The following CHODL variants were observed in gnomAD, a reference collection of about 807,000 sequenced individuals.
CHODL encodes chondrolectin, also known as transmembrane protein MT75.
In CHODL, 29 loss-of-function variants were observed where a neutral mutation model predicts 34.5. The observed-to-expected ratio is 0.84, with a 90% CI of 0.63 to 1.15. CHODL has a LOEUF of 1.15. CHODL is among the 50% of genes most tolerant of loss of function. The probability of loss-of-function intolerance (pLI) is 0.00; values close to 1 mark genes in which losing one functional copy is unlikely to be tolerated. For synonymous variants in CHODL, 125 were observed against 116.1 expected, an observed-to-expected ratio of 1.08 and a Z score of -0.49; for missense variants, 332 against 332.5, an observed-to-expected ratio of 1.00 and a Z score of 0.01.
intron 1 of CHODL, among the ~76,000 whole-genome samples, chr21:17,931,505 G>A (rs1329968143): frequency 6.6e-6 from 1 of 152,192 alleles, no homozygotes; most frequent in Non-Finnish European, 1.5e-5. Flanking sequence ...GCAGTGTTGA[G>A]ACATCCCCAA....
At chr21:18,161,753 C>T (rs78576965) in intron 2 of CHODL, among the ~76,000 whole-genome samples, 15,800 of 152,126 alleles carry the variant, frequency 0.1, 910 homozygotes, top group Middle Eastern at 0.15. Context: ...GCACAGGCTG[C>T]GAGTATTTCT....
At chr21:18,024,138 C>CA (rs951066893) in intron 1 of CHODL, among the ~76,000 whole-genome samples, 1 of 151,968 alleles carries the variant, frequency 6.6e-6, no homozygotes, top group Admixed American at 6.6e-5. Context: ...GCTGCAAGGA[C>CA]AAAAAAATGC....
intron 2 of CHODL, among the ~76,000 whole-genome samples, chr21:18,171,660 C>A (rs934502492): frequency 6.6e-6 from 1 of 151,612 alleles, no homozygotes; most frequent in Admixed American, 6.6e-5. Flanking sequence ...TCTTACAATT[C>A]TTTGGTGGAA....
At position 18,221,735 on chromosome 21, in the gene CHODL, A is replaced by T. The variant is rs77657959; in HGVS notation, c.-44-34774A>T. Reference sequence around the variant, plus strand: ...TTGCTGTCAATGGGTGTGCCAAATGAGCTGGTCCTCAGGACCCTAGATGGC... The same window carrying T: ...TTGCTGTCAATGGGTGTGCCAAATGTGCTGGTCCTCAGGACCCTAGATGGC... On this transcript the variant is annotated intron_variant, in intron 2 of 6. Coordinates refer to the CHODL transcript ENST00000400127. Among the ~76,000 whole-genome samples, 93 of 152,318 alleles carry T rather than the reference A, an allele frequency of 6.1e-4. 1 individual carries two copies. The East Asian group carries it at 0.012, about 20-fold the overall frequency.
intron 1 of CHODL, among the ~76,000 whole-genome samples, chr21:17,993,537 G>A (rs772154045): frequency 1.6e-4 from 25 of 152,160 alleles, no homozygotes; most frequent in Admixed American, 6.5e-4. Flanking sequence ...TTCCTGCAAA[G>A]GACATGATCT....
chr21:18,161,228 A>C (rs1047886762), intron 2 of CHODL, among the ~76,000 whole-genome samples: 2 of 152,212 alleles, frequency 1.3e-5, no homozygotes, highest in African/African-American at 4.8e-5. Context: ...GTAAAGGCAT[A>C]AAACACATAC....
chr21:18,136,815 T>A (rs1033559371), intron 2 of CHODL, among the ~76,000 whole-genome samples: 3 of 148,962 alleles, frequency 2.0e-5, no homozygotes, highest in African/African-American at 7.3e-5. Flanking sequence ...TATCCATATA[T>A]ATATAAATAT....
rs2074329450 is a variant in CHODL, at chr21:18,257,272, G to A, written c.547+145G>A. On this transcript the variant is annotated intron_variant, in intron 3 of 5. Coordinates refer to ENST00000299295, the MANE Select transcript of CHODL (RefSeq NM_024944.3). The stretch of plus-strand genomic sequence containing the variant: ...CCTTGCAGTTTCTCATATCACTCGT[G>A]TAATGAAGCATATCATATGCTGTAG... 3 of 702,724 alleles carry A rather than the reference G, an allele frequency of 4.3e-6. No individual in the cohort carries two copies. The Admixed American group carries it at 9.0e-5, about 21-fold the overall frequency. The allele number at this position is 702,724 out of a possible 1,614,324, so 43.5% of individuals were successfully genotyped here.
chr21:17,940,710 G>T (rs1279119861), intron 1 of CHODL, among the ~76,000 whole-genome samples: 1 of 152,182 alleles, frequency 6.6e-6, no homozygotes, highest in African/African-American at 2.4e-5. Flanking sequence ...GCGTAGCATG[G>T]TGTTGTTACC....
chr21:18,191,455 G>A (rs1383261723), intron 2 of CHODL, among the ~76,000 whole-genome samples: 1 of 152,180 alleles, frequency 6.6e-6, no homozygotes, highest in Non-Finnish European at 1.5e-5. Context: ...ACCTCAAGTA[G>A]CAAGAATCTT....
chr21:17,983,900 CA>C (rs912401580), intron 1 of CHODL, among the ~76,000 whole-genome samples: 1 of 114,698 alleles, frequency 8.7e-6, no homozygotes, highest in Non-Finnish European at 1.8e-5. Flanking sequence ...TTCCTGTGTG[CA>C]AGTGTGTGTG....
rs1242079879 is a variant in CHODL, at chr21:18,159,973, GA to G, written c.-44-96532del. Among the ~76,000 whole-genome samples, 14 of 152,246 alleles carry G rather than the reference GA, an allele frequency of 9.2e-5. 1 individual carries two copies. The highest frequency in any genetic ancestry group is 9.2e-4 in the Admixed American group (14 of 15,290). ...TTTGCTAACACTTTGCTTTTAACCT[GA>G]AAAGATCCTCATCAGAATGTAGATC... On this transcript the variant is annotated intron_variant, in intron 2 of 6. Coordinates refer to the CHODL transcript ENST00000400127.
At chr21:18,070,027 C>CCTAA (rs1380432271) in intron 2 of CHODL, among the ~76,000 whole-genome samples, 1 of 68,716 alleles carries the variant, frequency 1.5e-5, no homozygotes, top group Admixed American at 1.5e-4. Flanking sequence ...CCCTTCCCTC[C>CCTAA]CCCCCCCCAC....
chr21:18,149,346 G>A (rs2072936661), intron 2 of CHODL, among the ~76,000 whole-genome samples: 1 of 152,170 alleles, frequency 6.6e-6, no homozygotes, highest in African/African-American at 2.4e-5. Context: ...GCGACTGACT[G>A]TCCTTGAGAA....
chr21:18,043,990 C>T (rs2064409608), intron 2 of CHODL, among the ~76,000 whole-genome samples: 1 of 151,880 alleles, frequency 6.6e-6, no homozygotes, highest in African/African-American at 2.4e-5. Context: ...CAGTTATCTC[C>T]CCGCCACAAC....
chr21:18,057,008 G>A (rs912220681), intron 2 of CHODL, among the ~76,000 whole-genome samples: 2 of 152,080 alleles, frequency 1.3e-5, no homozygotes, highest in African/African-American at 4.8e-5. Flanking sequence ...GGTAGGGACT[G>A]CAATGTAGAG....
chr21:18,110,477 T>G (rs1441419916), intron 2 of CHODL, among the ~76,000 whole-genome samples: 1 of 152,114 alleles, frequency 6.6e-6, no homozygotes, highest in African/African-American at 2.4e-5. Context: ...TGCTCCTTTT[T>G]GGGACCCAGT....
At chr21:18,032,965 A>G (rs1209440707) in intron 2 of CHODL, among the ~76,000 whole-genome samples, 2 of 152,104 alleles carry the variant, frequency 1.3e-5, no homozygotes, top group African/African-American at 4.8e-5. Context: ...AAGGGAACAA[A>G]TTCTTGTTCT....
rs1240689587 is a variant in CHODL at position 18,256,805 on chromosome 21, A to T, written c.376A>T (p.Asn126Tyr). The change falls in exon 2 of 6, where the codon AAT becomes TAT. Residue 126 changes from asparagine to tyrosine, a missense_variant. Physicochemically the swap from Asn to Tyr is moderately radical, Grantham distance 143 (BLOSUM62 -2). Transcript: ENST00000299295. ...PDLYQWSDGS[N>Y]SQYRNWYTDE... ...TCTCTACCAGTGGTCTGATGGAAGC[A>T]ATTCCCAGTACCGGTGAGTATGGAT... The T allele has an allele frequency of 6.2e-7, 1 of 1,613,332 alleles. No individual in the cohort carries two copies. The highest frequency in any genetic ancestry group is 8.5e-7 in the Non-Finnish European group (1 of 1,179,640).
Sources: allele counts gnomAD v4.1 joint callset (sites outside exome capture counted in the v4.1 genomes callset), GRCh38; gene constraint gnomAD v4.1.1; transcripts MANE v1.5; gene names NCBI Gene and HGNC (gene_info 2026-07-23, HGNC 2026-07-21).